Variants in BRD1 observed in about 807,000 individuals in gnomAD.
The protein encoded by BRD1 is bromodomain containing 1.
A neutral mutation model predicts 107.7 loss-of-function variants in BRD1; 24 were observed. The observed-to-expected ratio is 0.22, with a 90% confidence interval of 0.16 to 0.31. The LOEUF is 0.31. Ranked by LOEUF, BRD1 falls within the 10% of genes least tolerant of loss-of-function variation. The pLI is 1.00. For missense variants in BRD1, 1,279 were observed against 1,638.6 expected, an observed-to-expected ratio of 0.78 and a Z score of 3.79; for synonymous variants, 744 against 686.1, an observed-to-expected ratio of 1.08 and a Z score of -1.32.
chr22:49,826,380 CCCACGA>C, intron 1 of BRD1: 1 of 428,176 alleles, frequency 2.3e-6, no homozygotes, highest in Non-Finnish European at 3.1e-6. Flanking sequence ...GGCAGGGCGA[CCCACGA>C]CCTCCTCTGC....
At chr22:49,797,433 G>A (rs984074180) in intron 6 of BRD1, among the ~76,000 whole-genome samples, 2 of 152,060 alleles carry the variant, frequency 1.3e-5, no homozygotes, top group Admixed American at 1.3e-4. Context: ...CACCCCATAG[G>A]GAGCCACAGC....
rs1185529499 is a variant in BRD1 at position 49,803,473 on chromosome 22, T to C, written c.1524+731A>G. On this transcript the variant is annotated intron_variant, in intron 3 of 12. Transcript: ENST00000404760. The surrounding 1 kb of genome is among the most constrained non-coding windows in gnomAD (Gnocchi z 4.4). ...GTGGGCAGAGGGCGCTGGCCGCAGGTCCTGGGCCGTGTGCAGAGCTGCTTG... is the reference window on the plus strand; with the variant it reads ...GTGGGCAGAGGGCGCTGGCCGCAGGCCCTGGGCCGTGTGCAGAGCTGCTTG... 6.6e-6 allele frequency among the ~76,000 whole-genome samples: 1 copy of C among 152,212 alleles called. No homozygotes were observed. Among genetic ancestry groups the C allele is most frequent in the African/African-American group, 2.4e-5 (1 of 41,442 alleles).
intron 8 of BRD1, among the ~76,000 whole-genome samples, chr22:49,780,490 G>A (rs1393308264): frequency 6.6e-6 from 1 of 152,048 alleles, no homozygotes; most frequent in African/African-American, 2.4e-5. Flanking sequence ...TGGGACAGCT[G>A]CAAGGCTTGC....
intron 8 of BRD1, among the ~76,000 whole-genome samples, chr22:49,781,204 C>G (rs941614791): frequency 3.9e-5 from 6 of 152,212 alleles, no homozygotes; most frequent in African/African-American, 1.4e-4. Flanking sequence ...ATGTCCCTCT[C>G]TGCCCCCAAA....
In BRD1 at chr22:49,823,112, C is replaced by G. The variant is rs1193720888; in HGVS notation, c.1206G>C (p.Gly402=). Residue 402 remains glycine (G), a synonymous_variant, in exon 2 of 13, where the codon GGG becomes GGC. Transcript: ENST00000404760. The part of the protein sequence containing the change: ...GCTRRPLNIY[G]DVEMKNGVCR... ...AGACGCCATTTTTCATTTCGACATCCCCGTAAATATTCAGAGGCCTCCGGG... is the reference window on the plus strand; with the variant it reads ...AGACGCCATTTTTCATTTCGACATCGCCGTAAATATTCAGAGGCCTCCGGG... 1 of 1,614,200 alleles carries G rather than the reference C, an allele frequency of 6.2e-7. No homozygotes were observed. The highest frequency in any genetic ancestry group is 8.5e-7 in the Non-Finnish European group (1 of 1,180,042).
At chr22:49,784,034 C>T (rs2059267782) in intron 8 of BRD1, among the ~76,000 whole-genome samples, 1 of 152,224 alleles carries the variant, frequency 6.6e-6, no homozygotes, top group Non-Finnish European at 1.5e-5. Flanking sequence ...GACAGCTCAG[C>T]CTCCTCCCTG....
Position 49,824,559 on chromosome 22 carries a change from G to A in BRD1, c.-14-228C>T. On this transcript the variant is annotated intron_variant, in intron 1 of 12. Transcript: ENST00000404760. The surrounding 1 kb of genome is among the most constrained non-coding windows in gnomAD (Gnocchi z 5.9). ...AACAGGCAGAGAGGCAGCCTGAGGA[G>A]CCCTCCTGAGCACCTGCGTCCCTAC... The A allele has an allele frequency of 7.3e-7, 1 of 1,365,026 alleles. No individual in the cohort carries two copies. Among genetic ancestry groups the A allele is most frequent in the Non-Finnish European group, 9.5e-7 (1 of 1,057,586 alleles). The allele number at this position is 1,365,026 out of a possible 1,614,324, so 84.6% of individuals were successfully genotyped here. A position where few individuals can be genotyped will look rare whatever the true frequency, so the allele number is the denominator to read the frequency against.
intron 6 of BRD1, among the ~76,000 whole-genome samples, chr22:49,796,510 C>T (rs1192132670): frequency 2.6e-5 from 4 of 152,124 alleles, no homozygotes; most frequent in South Asian, 2.1e-4. Context: ...GCATGCGCCA[C>T]CATGCCCGGC....
chr22:49,777,265 T>C lies in BRD1; in HGVS notation c.2994-104A>G, dbSNP rs1471741923. The C allele has an allele frequency of 3.3e-6, 5 of 1,537,608 alleles. No individual in the cohort carries two copies. In the East Asian group the frequency reaches 1.1e-4, roughly 35 times the overall value. ...CCGCCACCAAGCTGGCCACGCATCCTGCCTGACACCCCCGCGGCCAGACGG... is the reference window on the plus strand; with the variant it reads ...CCGCCACCAAGCTGGCCACGCATCCCGCCTGACACCCCCGCGGCCAGACGG... On this transcript the variant is annotated intron_variant, in intron 9 of 12. Transcript: ENST00000404760.
chr22:49,819,874 A>C (rs1250705839), intron 2 of BRD1, among the ~76,000 whole-genome samples: 1 of 152,194 alleles, frequency 6.6e-6, no homozygotes, highest in Non-Finnish European at 1.5e-5. Context: ...TCACGCCTGT[A>C]ATCCCAGCAC....
In BRD1 at chr22:49,792,863, G is replaced by A. The variant is rs376174848; in HGVS notation, c.2359+1171C>T. On this transcript the variant is annotated intron_variant, in intron 7 of 12. Coordinates refer to ENST00000404760, the MANE Select transcript of BRD1 (RefSeq NM_001304808.3). The surrounding 1 kb of genome is among the most constrained non-coding windows in gnomAD (Gnocchi z 4.2). The stretch of plus-strand genomic sequence containing the variant: ...TAAAAGGGGCGAAGCTCTGCAGACA[G>A]GAGCCACAAGAAGTTCAGGGGATGA... Among the ~76,000 whole-genome samples, 113 of 152,306 alleles carry A rather than the reference G, an allele frequency of 7.4e-4. 3 individuals carry two copies. The South Asian group carries it at 0.023, about 30-fold the overall frequency.
intron 2 of BRD1, among the ~76,000 whole-genome samples, chr22:49,804,815 C>T (rs982344555): frequency 6.6e-6 from 1 of 152,104 alleles, no homozygotes; most frequent in African/African-American, 2.4e-5. Flanking sequence ...CGCACCACTG[C>T]ACTCCAGCCT....
intron 10 of BRD1, 136 bp from the exon 11 acceptor site, chr22:49,776,295 C>T: frequency 1.4e-6 from 1 of 722,856 alleles, no homozygotes; most frequent in South Asian, 1.7e-5. Context: ...GCCACCCCGG[C>T]AGCACCACTG....
intron 2 of BRD1, among the ~76,000 whole-genome samples, chr22:49,815,035 G>A (rs991619340): frequency 6.6e-6 from 1 of 152,202 alleles, no homozygotes; most frequent in African/African-American, 2.4e-5. Context: ...CGGGGGCAGG[G>A]CAGAGCTGTC....
At chr22:49,816,337 C>A (rs1275231052) in intron 2 of BRD1, among the ~76,000 whole-genome samples, 1 of 151,998 alleles carries the variant, frequency 6.6e-6, no homozygotes, top group Non-Finnish European at 1.5e-5. Flanking sequence ...AGCAAGACCC[C>A]GCCTCAATTA....
rs2059580789 is a variant in BRD1 at position 49,798,585 on chromosome 22, T to A, written c.1758A>T (p.Ile586=). ...CCTTCAGACTCACGGGCTGCGCAAATATCCTGGCGGGGTCCTTGTCTTGCA... is the reference window on the plus strand; with the variant it reads ...CCTTCAGACTCACGGGCTGCGCAAAAATCCTGGCGGGGTCCTTGTCTTGCA... ...DQLQDKDPAR[I]FAQPVSLKEV... Residue 586 remains isoleucine, a synonymous_variant, in exon 5 of 13, where the codon ATA becomes ATT. Coordinates refer to ENST00000404760, the MANE Select transcript of BRD1 (RefSeq NM_001304808.3). 1 of 1,613,922 alleles carries A rather than the reference T, an allele frequency of 6.2e-7. No homozygotes were observed. The highest frequency in any genetic ancestry group is 1.7e-5 in the Admixed American group (1 of 59,994).
intron 8 of BRD1, among the ~76,000 whole-genome samples, chr22:49,786,243 GAA>G (rs1159289603): frequency 1.3e-5 from 2 of 152,238 alleles, no homozygotes; most frequent in Non-Finnish European, 2.9e-5. Flanking sequence ...CACGCTTCCA[GAA>G]AAGAGTCGCT....
Position 49,803,381 on chromosome 22 carries a change from A to T in BRD1, c.1524+823T>A, listed in dbSNP as rs1015004568. On this transcript the variant is annotated intron_variant, in intron 3 of 12. Transcript: ENST00000404760. This position sits in a 1 kb window ranked among gnomAD's most constrained non-coding sequence, Gnocchi z 4.4. Reference sequence around the variant, plus strand: ...GCACCATGAGGAAATTCCAAGAGGCACTCAGGCCACGCGACGCCAGCAGCA... The same window carrying T: ...GCACCATGAGGAAATTCCAAGAGGCTCTCAGGCCACGCGACGCCAGCAGCA... 6.6e-6 allele frequency among the ~76,000 whole-genome samples: 1 copy of T among 152,206 alleles called. No individual in the cohort carries two copies. The highest frequency in any genetic ancestry group is 1.5e-5 in the Non-Finnish European group (1 of 68,038).
chr22:49,774,257 G>A lies in BRD1; in HGVS notation c.3546C>T (p.Thr1182=). ...GTCAGTCAATGTCACTGAGGTCGCT[G>A]GTCGGCTCCCCGTGGACGCGGCTCA... ...NHLSRVHGEP[T]SDLSDID is the part of the protein sequence containing the mutation. The change falls in exon 13 of 13, where the codon ACC becomes ACT. Residue 1182 remains threonine (T), a synonymous_variant. Coordinates refer to ENST00000404760, the MANE Select transcript of BRD1 (RefSeq NM_001304808.3). The A allele has an allele frequency of 6.2e-7, 1 of 1,613,978 alleles. No homozygotes were observed. The highest frequency in any genetic ancestry group is 8.5e-7 in the Non-Finnish European group (1 of 1,179,912).
Sources: gnomAD v4.1 joint callset for allele counts (sites outside exome capture counted in the v4.1 genomes callset) on GRCh38, gnomAD v4.1.1 for gene constraint, Gnocchi (gnomAD v3.1) non-coding constraint, MANE v1.5 for transcripts, NCBI Gene and HGNC (gene_info 2026-07-23, HGNC 2026-07-21) for gene names.